The following GRM8 variants were observed in gnomAD, a reference collection of about 807,000 sequenced individuals.
The protein encoded by GRM8 is metabotropic glutamate receptor 8.
In GRM8, 47 loss-of-function variants were observed where a neutral mutation model predicts 87.2. The ratio of observed to expected loss-of-function variants is 0.54; its 90% CI spans 0.43 to 0.69. The LOEUF (loss-of-function observed/expected upper bound fraction) is 0.69, where lower values mean the gene tolerates loss of function less well. Among genes scored for constraint, GRM8 ranks in the 30% least tolerant of loss-of-function variants. GRM8 has a pLI of 0.00. For missense variants in GRM8, 1,019 were observed against 1,139.2 expected, an observed-to-expected ratio of 0.89 and a Z score of 1.52; for synonymous variants, 396 against 404.5, an observed-to-expected ratio of 0.98 and a Z score of 0.25.
chr7:126,454,424 A>T (rs1272651285), intron 9 of GRM8, among the ~76,000 whole-genome samples: 2 of 151,702 alleles, frequency 1.3e-5, no homozygotes, highest in African/African-American at 2.4e-5. Context: ...TTTTCTCTAT[A>T]ACCCTTTTTA....
At chr7:126,554,013 A>T (rs1282263156) in intron 8 of GRM8, among the ~76,000 whole-genome samples, 2 of 152,118 alleles carry the variant, frequency 1.3e-5, no homozygotes, top group African/African-American at 4.8e-5. Flanking sequence ...TTCAATGCCT[A>T]TCTTCTGCAA....
At chr7:126,849,133 C>T (rs1036885313) in intron 6 of GRM8, among the ~76,000 whole-genome samples, 5 of 152,002 alleles carry the variant, frequency 3.3e-5, no homozygotes, top group Admixed American at 6.6e-5. Context: ...CATGGGAATT[C>T]AAGATGAGAT....
intron 7 of GRM8, among the ~76,000 whole-genome samples, chr7:126,684,388 A>C (rs1039891380): frequency 6.6e-6 from 1 of 152,144 alleles, no homozygotes. Flanking sequence ...TCTGGAAGAG[A>C]ATATCCTCCT....
chr7:127,017,123 T>C (rs997455831), intron 3 of GRM8, among the ~76,000 whole-genome samples: 1 of 152,096 alleles, frequency 6.6e-6, no homozygotes, highest in East Asian at 1.9e-4. Context: ...CAAAACCCTT[T>C]ATTACTGCAA....
At chr7:126,617,318 A>C (rs1371351625) in intron 7 of GRM8, among the ~76,000 whole-genome samples, 1 of 152,228 alleles carries the variant, frequency 6.6e-6, no homozygotes, top group African/African-American at 2.4e-5. Flanking sequence ...CTTTGACAAA[A>C]TTCATCTGCC....
intron 3 of GRM8, among the ~76,000 whole-genome samples, chr7:127,063,252 AAAAC>A (rs3039782): frequency 0.011 from 1,640 of 149,944 alleles, 26 homozygotes; most frequent in African/African-American, 0.035. Context: ...GACTCCATCA[AAAAC>A]AAACAAACAA....
rs144905876 is a variant in GRM8, at chr7:126,474,499, G to C, written c.2431-28127C>G. On this transcript the variant is annotated intron_variant, in intron 9 of 10. Coordinates refer to ENST00000339582, the MANE Select transcript of GRM8 (RefSeq NM_000845.3). The stretch of plus-strand genomic sequence containing the variant: ...GCCCAGGCTGGTCTTGAATTCTTGG[G>C]CTCAAATAATCTGCCTGGGATCCCA... 3.7e-3 allele frequency among the ~76,000 whole-genome samples: 557 copies of C among 152,182 alleles called. 4 individuals carry two copies. The highest frequency in any genetic ancestry group is 0.013 in the African/African-American group (531 of 41,530).
chr7:126,507,922 G>A (rs922374307), intron 9 of GRM8, among the ~76,000 whole-genome samples: 2 of 151,640 alleles, frequency 1.3e-5, no homozygotes, highest in African/African-American at 4.8e-5. Context: ...TCATCTCTGG[G>A]GTCTGGGTTC....
At chr7:126,885,597 G>C (rs1198595120) in intron 6 of GRM8, among the ~76,000 whole-genome samples, 4 of 152,108 alleles carry the variant, frequency 2.6e-5, no homozygotes, top group Non-Finnish European at 5.9e-5. Context: ...CCCAGCAGTG[G>C]AATCTATTCT....
chr7:126,881,813 T>A (rs1294066800), intron 6 of GRM8, among the ~76,000 whole-genome samples: 2 of 152,222 alleles, frequency 1.3e-5, no homozygotes, highest in African/African-American at 4.8e-5. Context: ...AAACTGTGTA[T>A]AAAATATCTT....
intron 9 of GRM8, among the ~76,000 whole-genome samples, chr7:126,505,693 G>C (rs957111072): frequency 2.6e-5 from 4 of 152,068 alleles, no homozygotes; most frequent in African/African-American, 9.7e-5. Context: ...AGAACAGCTT[G>C]TTGAAGTATA....
intron 7 of GRM8, among the ~76,000 whole-genome samples, chr7:126,635,843 A>G (rs1239210659): frequency 6.6e-6 from 1 of 152,264 alleles, no homozygotes; most frequent in East Asian, 1.9e-4. Flanking sequence ...TCAACCATTA[A>G]TTTATGAGAT....
intron 3 of GRM8, among the ~76,000 whole-genome samples, chr7:126,908,509 C>T (rs1372401400): frequency 6.6e-6 from 1 of 152,128 alleles, no homozygotes; most frequent in Non-Finnish European, 1.5e-5. Context: ...TTAAGCATCC[C>T]ATTAAAGACA....
chr7:126,565,434 C>G (rs991578399), intron 8 of GRM8, among the ~76,000 whole-genome samples: 1 of 151,978 alleles, frequency 6.6e-6, no homozygotes. Flanking sequence ...ATTGGGAAAA[C>G]AGTCTCACTT....
intron 9 of GRM8, among the ~76,000 whole-genome samples, chr7:126,484,670 AT>A (rs536062436): frequency 6.6e-6 from 1 of 152,028 alleles, no homozygotes; most frequent in Non-Finnish European, 1.5e-5. Flanking sequence ...TAGTACAGTG[AT>A]TTTTTTTAAA....
At chr7:126,712,126 C>A (rs527856787) in intron 7 of GRM8, among the ~76,000 whole-genome samples, 2 of 152,258 alleles carry the variant, frequency 1.3e-5, no homozygotes, top group Admixed American at 6.5e-5. Flanking sequence ...AAGCTTTTGA[C>A]TTAAAGTGAT....
At chr7:126,987,962 T>A (rs2131918054) in intron 3 of GRM8, among the ~76,000 whole-genome samples, 1 of 152,310 alleles carries the variant, frequency 6.6e-6, no homozygotes, top group Middle Eastern at 3.4e-3. Flanking sequence ...AATCTTGTGA[T>A]TTAAAGAAAA....
chr7:126,639,023 C>T (rs968438079), intron 7 of GRM8, among the ~76,000 whole-genome samples: 3 of 152,174 alleles, frequency 2.0e-5, no homozygotes, highest in Non-Finnish European at 4.4e-5. Flanking sequence ...TGGAGCTACA[C>T]GCTGGCTTCC....
chr7:126,518,970 T>G (rs896529129), intron 9 of GRM8, among the ~76,000 whole-genome samples: 1 of 152,088 alleles, frequency 6.6e-6, no homozygotes, highest in Non-Finnish European at 1.5e-5. Context: ...ACCAGGCCAA[T>G]CATTTCCTTT....
Sources: allele counts gnomAD v4.1 joint callset (sites outside exome capture counted in the v4.1 genomes callset), GRCh38; gene constraint gnomAD v4.1.1; transcripts MANE v1.5; gene names NCBI Gene and HGNC (gene_info 2026-07-23, HGNC 2026-07-21).